The following RNF170 variants were observed in gnomAD, a reference collection of about 807,000 sequenced individuals.
RNF170 encodes E3 ubiquitin-protein ligase RNF170.
A neutral mutation model predicts 32.7 loss-of-function variants in RNF170; 12 were observed. The observed-to-expected ratio is 0.37, with a 90% CI of 0.24 to 0.60. The LOEUF is 0.60. RNF170 is among the 20% of genes least tolerant of loss of function. The probability of loss-of-function intolerance (pLI) is 0.72; values close to 1 mark genes in which losing one functional copy is unlikely to be tolerated. For missense variants in RNF170, 212 were observed against 311.2 expected, an observed-to-expected ratio of 0.68 and a Z score of 2.40; for synonymous variants, 91 against 103.6, an observed-to-expected ratio of 0.88 and a Z score of 0.74.
Position 42,854,778 on chromosome 8 carries a change from G to C in RNF170, c.*1381C>G, listed in dbSNP as rs1320262183. On this transcript the variant is annotated 3_prime_UTR_variant, in exon 7 of 7. Transcript: ENST00000527424. Reference sequence around the variant, plus strand: ...CCTGGGCATCCCCTCACATCCTGCTGTCATACATTCACTAATGAGCAACGC... The same window carrying C: ...CCTGGGCATCCCCTCACATCCTGCTCTCATACATTCACTAATGAGCAACGC... 7.8e-7 allele frequency: 1 copy of C among 1,287,278 alleles called. No homozygotes were observed. The highest frequency in any genetic ancestry group is 1.0e-6 in the Non-Finnish European group (1 of 988,704). 79.7% of individuals were successfully genotyped at this position (1,287,278 alleles called of 1,614,324 possible).
At position 42,854,712 on chromosome 8, in the gene RNF170, A is replaced by T; in HGVS notation, c.*1447T>A. On this transcript the variant is annotated 3_prime_UTR_variant, in exon 7 of 7. Coordinates refer to ENST00000527424, the MANE Select transcript of RNF170 (RefSeq NM_030954.4). ...GCTCACTAATAAATTAATGGATGAT[A>T]TTAATAGCAGTGATCTCAGATGACA... 1 of 1,287,454 alleles carries T rather than the reference A, an allele frequency of 7.8e-7. No individual in the cohort carries two copies. Among genetic ancestry groups the T allele is most frequent in the South Asian group, 1.2e-5 (1 of 80,940 alleles). The allele number at this position is 1,287,454 out of a possible 1,614,324, so 79.8% of individuals were successfully genotyped here.
chr8:42,850,969 C>CT, downstream of RNF170: 1 of 1,551,668 alleles, frequency 6.4e-7, no homozygotes, highest in Non-Finnish European at 8.7e-7. Context: ...GGTCTGCTCA[C>CT]TTGCACGGCT....
At chr8:42,874,440 T>C (rs1414107033) in intron 2 of RNF170, among the ~76,000 whole-genome samples, 2 of 152,148 alleles carry the variant, frequency 1.3e-5, no homozygotes, top group African/African-American at 4.8e-5. Context: ...CTAAATTTAA[T>C]GTAGAAAAGC....
intron 1 of RNF170, chr8:42,889,228 A>G (rs919513817): frequency 5.9e-5 from 9 of 152,316 alleles, no homozygotes; most frequent in African/African-American, 2.2e-4. Flanking sequence ...CTGATGCTGC[A>G]TTTCCTTATG....
chr8:42,877,020 C>T (rs1294142077), intron 2 of RNF170, among the ~76,000 whole-genome samples: 1 of 146,126 alleles, frequency 6.8e-6, no homozygotes, highest in African/African-American at 2.6e-5. Flanking sequence ...GTGGCGCCAT[C>T]TCAGCTCACT....
At chr8:42,866,750 A>T (rs1404688571) in intron 4 of RNF170, among the ~76,000 whole-genome samples, 1 of 152,364 alleles carries the variant, frequency 6.6e-6, no homozygotes, top group Non-Finnish European at 1.5e-5. Flanking sequence ...AGCCAGCCGA[A>T]GATGGGCAAC....
chr8:42,877,081 G>A (rs1424589687), intron 2 of RNF170, among the ~76,000 whole-genome samples: 1 of 144,050 alleles, frequency 6.9e-6, no homozygotes, highest in African/African-American at 2.6e-5. Context: ...AGCCTCCCGA[G>A]TAGCCCGGCT....
intron 5 of RNF170, among the ~76,000 whole-genome samples, chr8:42,864,749 TG>T (rs1044338224): frequency 6.6e-6 from 1 of 151,390 alleles, no homozygotes; most frequent in Non-Finnish European, 1.5e-5. Context: ...TAAAGCTATC[TG>T]GGTCCTCACT....
intron 4 of RNF170, 95 bp downstream of exon 4, chr8:42,869,909 A>G: frequency 1.2e-6 from 1 of 847,288 alleles, no homozygotes; most frequent in East Asian, 2.5e-5. Context: ...AAAATACAAA[A>G]TGTGACAAAG....
chr8:42,868,060 T>G (rs1234175947), intron 4 of RNF170, among the ~76,000 whole-genome samples: 1 of 152,214 alleles, frequency 6.6e-6, no homozygotes, highest in African/African-American at 2.4e-5. Flanking sequence ...ATAACTTTCC[T>G]GGTGATTAGC....
At chr8:42,850,357 G>A, downstream of RNF170, 1 of 217,912 alleles carries the variant, frequency 4.6e-6, no homozygotes. Flanking sequence ...TTGCATGTAG[G>A]GAGCCAGGCA....
chr8:42,879,001 C>T (rs922302358), intron 2 of RNF170, among the ~76,000 whole-genome samples: 4 of 152,136 alleles, frequency 2.6e-5, no homozygotes, highest in African/African-American at 9.7e-5. Flanking sequence ...TATTTAAACC[C>T]ACTTGAGAGA....
chr8:42,858,721 G>A (rs976684789), intron 6 of RNF170, among the ~76,000 whole-genome samples: 2 of 152,196 alleles, frequency 1.3e-5, no homozygotes, highest in Admixed American at 6.6e-5. Flanking sequence ...CCATGCAGAG[G>A]AAGTGTCAGG....
chr8:42,869,202 G>A (rs541511599), intron 4 of RNF170, among the ~76,000 whole-genome samples: 5 of 152,254 alleles, frequency 3.3e-5, no homozygotes, highest in South Asian at 2.1e-4. Flanking sequence ...GAGCCACAGC[G>A]CCTGGCCTCT....
chr8:42,861,095 T>C, intron 6 of RNF170, among the ~76,000 whole-genome samples: 1 of 152,188 alleles, frequency 6.6e-6, no homozygotes. Flanking sequence ...AAACTTAAAG[T>C]TTTCAGTTGT....
At chr8:42,874,281 T>C (rs779042425) in intron 2 of RNF170, among the ~76,000 whole-genome samples, 1 of 152,196 alleles carries the variant, frequency 6.6e-6, no homozygotes, top group Non-Finnish European at 1.5e-5. Flanking sequence ...TTACAAGTAA[T>C]GTAAAGAACA....
At position 42,863,443 on chromosome 8, in the gene RNF170, T is replaced by TA. The variant is rs200801218; in HGVS notation, c.397-1589dup. On this transcript the variant is annotated intron_variant, in intron 5 of 6. Transcript: ENST00000527424. ...TAGTACGGGCAAATAAGCTTCAATT[T>TA]AAAAAAAAAATTTTTTTTTGAGACA... is the stretch of plus-strand genomic sequence containing the variant. 3.5e-4 allele frequency among the ~76,000 whole-genome samples: 53 copies of TA among 151,266 alleles called. 2 individuals are homozygous for TA. The highest frequency in any genetic ancestry group is 2.6e-3 in the Admixed American group (39 of 15,168).
At chr8:42,869,969 A>T in intron 4 of RNF170, 35 bp downstream of exon 4, 1 of 1,464,570 alleles carries the variant, frequency 6.8e-7, no homozygotes, top group Non-Finnish European at 9.6e-7. Context: ...TGGTCTACAC[A>T]GTCACTTTTC....
At chr8:42,876,954 CTTTTTT>C (rs761345107) in intron 2 of RNF170, among the ~76,000 whole-genome samples, 1 of 124,830 alleles carries the variant, frequency 8.0e-6, no homozygotes, top group Non-Finnish European at 1.7e-5. Flanking sequence ...TGTGCCCGGA[CTTTTTT>C]TTTTTTTTTT....
Sources: gnomAD v4.1 joint callset for allele counts (sites outside exome capture counted in the v4.1 genomes callset) on GRCh38, gnomAD v4.1.1 for gene constraint, MANE v1.5 for transcripts, NCBI Gene and HGNC (gene_info 2026-07-23, HGNC 2026-07-21) for gene names.